KHNYN: variants seen among roughly 807,000 people sequenced by gnomAD.
KHNYN encodes the protein protein KHNYN.
Under a neutral mutation model 62.7 loss-of-function variants are expected in KHNYN, and 42 were observed. The observed-to-expected ratio is 0.67, with a 90% CI of 0.52 to 0.87. The LOEUF is 0.87. Among genes scored for constraint, KHNYN ranks in the 40% least tolerant of loss-of-function variants. KHNYN has a pLI of 0.00. For missense variants in KHNYN, 829 were observed against 874.1 expected (o/e 0.95, Z 0.65); for synonymous variants, 347 against 345.6 (o/e 1.00, Z -0.04).
intron 5 of KHNYN, 113 bp from the exon 6 acceptor site, chr14:24,435,959 A>G: frequency 1.3e-6 from 1 of 786,000 alleles, no homozygotes. Flanking sequence ...ACATAGATAT[A>G]TTGCATAGTG....
In KHNYN at chr14:24,429,985, C is replaced by T. The variant is rs902158712; in HGVS notation, c.-152C>T. On this transcript the variant is annotated 5_prime_UTR_variant, in exon 1 of 8. Transcript: ENST00000553935. ...CGTGCGATGTGGACAAGAGAGGTCCCCGCTGGGTGAGGAACCCGGGAAGGC... is the reference window on the plus strand; with the variant it reads ...CGTGCGATGTGGACAAGAGAGGTCCTCGCTGGGTGAGGAACCCGGGAAGGC... The T allele has an allele frequency of 3.0e-6, 3 of 987,224 alleles. No individual in the cohort carries two copies. Among genetic ancestry groups the T allele is most frequent in the African/African-American group, 1.7e-5 (1 of 57,252 alleles). The allele number at this position is 987,224 out of a possible 1,614,324, so 61.2% of individuals were successfully genotyped here. A position where few individuals can be genotyped will look rare whatever the true frequency, so the allele number is the denominator to read the frequency against.
chr14:24,430,453 G>C, intron 1 of KHNYN: 2 of 1,283,990 alleles, frequency 1.6e-6, no homozygotes, highest in South Asian at 1.9e-5. Flanking sequence ...CACCCTTCTT[G>C]CTCCGGACTG....
At chr14:24,433,237 G>A (rs924936729) in intron 5 of KHNYN, among the ~76,000 whole-genome samples, 20 of 152,194 alleles carry the variant, frequency 1.3e-4, no homozygotes, top group African/African-American at 4.6e-4. Flanking sequence ...AACCATGTTT[G>A]TCTATTCATC....
chr14:24,432,166 T>A lies in KHNYN; in HGVS notation c.905T>A (p.Leu302Gln). The change falls in exon 3 of 8, where the codon CTG becomes CAG. Residue 302 changes from leucine (L) to glutamine (Q), a missense_variant. This residue lies in a region of KHNYN where 559 missense variants were observed against 527.0 expected (regional missense o/e 1.06). Coordinates refer to ENST00000553935, the MANE Select transcript of KHNYN (RefSeq NM_015299.3). The surrounding 1 kb of genome is among the most constrained non-coding windows in gnomAD (Gnocchi z 5.6). ...GGAGGGGCAAGGGAGTCAGCACCCC[T>A]GAAAGGGAAGGCCCTGGGGAAGGAG... is the stretch of plus-strand genomic sequence containing the variant. ...VGGGARESAP[L>Q]KGKALGKEEI... is the part of the protein sequence containing the mutation. The A allele has an allele frequency of 6.4e-7, 1 of 1,562,954 alleles. No homozygotes were observed. The highest frequency in any genetic ancestry group is 8.7e-7 in the Non-Finnish European group (1 of 1,152,710).
At chr14:24,429,200 C>A, upstream of KHNYN, 1 of 807,300 alleles carries the variant, frequency 1.2e-6, no homozygotes, top group East Asian at 2.7e-5. Context: ...TGTGTCCCAG[C>A]TCTGTCCTGC....
chr14:24,440,418 TG>T lies in KHNYN; in HGVS notation c.*3137del, dbSNP rs781376693. On this transcript the variant is annotated 3_prime_UTR_variant, in exon 8 of 8. Transcript: ENST00000553935. ...GGGAAGAATTGGTGGCCTGAGCCGA[TG>T]GGGCCCCCCAGGCCCAGGCGAAAGG... 6.2e-7 allele frequency: 1 copy of T among 1,613,404 alleles called. No homozygotes were observed. The highest frequency in any genetic ancestry group is 8.5e-7 in the Non-Finnish European group (1 of 1,179,626).
In KHNYN at chr14:24,432,852, G is replaced by A; in HGVS notation, c.1480G>A (p.Glu494Lys). Residue 494 changes from glutamate to lysine, a missense_variant and splice_region_variant, in exon 4 of 8, where the codon GAG (glutamate) becomes AAG (lysine). By Grantham distance (56) the Glu-to-Lys change is moderately conservative. This residue lies in a region of KHNYN where 270 missense variants were observed against 347.1 expected (regional missense o/e 0.78). Coordinates refer to ENST00000553935, the MANE Select transcript of KHNYN (RefSeq NM_015299.3). The surrounding 1 kb of genome is among the most constrained non-coding windows in gnomAD (Gnocchi z 5.6). ...CTTCAGTAAGGATGCCAAAGTCAGA[G>A]GTGAGTTGGGCCTGGTCTTCAGTGT... Reference protein sequence around the residue: ...WRFSKDAKVRESHFLQKLYSL... With the variant: ...WRFSKDAKVRKSHFLQKLYSL... 6.2e-7 allele frequency: 1 copy of A among 1,614,236 alleles called. No individual in the cohort carries two copies. The highest frequency in any genetic ancestry group is 8.5e-7 in the Non-Finnish European group (1 of 1,180,036).
chr14:24,425,020 C>T (rs1037418504), upstream of KHNYN, among the ~76,000 whole-genome samples: 1 of 152,148 alleles, frequency 6.6e-6, no homozygotes, highest in African/African-American at 2.4e-5. Context: ...GACAACATGG[C>T]GAAACCCCAT....
rs762470565 is a variant in KHNYN at position 24,432,072 on chromosome 14, G to C, written c.811G>C (p.Gly271Arg). ...GGGTGGTCCCAGGGAGATGGATTGG[G>C]GGTGGAAGGAGTTGCCTGGGGAAGA... ...KQGGPREMDW[G>R]WKELPGEEAW... Residue 271 changes from glycine (G) to arginine (R), a missense_variant, in exon 3 of 8, where the codon GGG becomes CGG. Coordinates refer to ENST00000553935, the MANE Select transcript of KHNYN (RefSeq NM_015299.3). The surrounding 1 kb of genome is among the most constrained non-coding windows in gnomAD (Gnocchi z 5.6). 5.7e-6 allele frequency: 9 copies of C among 1,568,408 alleles called. No homozygotes were observed. Among genetic ancestry groups the C allele is most frequent in the Middle Eastern group, 1.7e-4 (1 of 5,852 alleles).
intron 2 of KHNYN, among the ~76,000 whole-genome samples, chr14:24,431,226 C>G (rs2043105905): frequency 6.6e-6 from 1 of 152,204 alleles, no homozygotes; most frequent in South Asian, 2.1e-4. Flanking sequence ...CCAAGGAATG[C>G]ACTGTGGGGT....
intron 5 of KHNYN, among the ~76,000 whole-genome samples, chr14:24,435,086 T>C (rs2043184977): frequency 6.6e-6 from 1 of 152,058 alleles, no homozygotes; most frequent in African/African-American, 2.4e-5. Context: ...AGTCCTACCC[T>C]GTCTTGTGGA....
upstream of KHNYN, chr14:24,427,674 G>C (rs1352104087): frequency 3.0e-5 from 28 of 938,620 alleles, no homozygotes; most frequent in Non-Finnish European, 4.1e-5. This position sits in a 1 kb window ranked among gnomAD's most constrained non-coding sequence, Gnocchi z 4.4. Flanking sequence ...CCCATGCAAA[G>C]AGGTGGGATA....
chr14:24,434,077 A>G (rs1404174232), intron 5 of KHNYN: 2 of 916,190 alleles, frequency 2.2e-6, no homozygotes, highest in East Asian at 1.2e-4. Flanking sequence ...ACGTTCTCCC[A>G]ATGTTATTCT....
Position 24,431,542 on chromosome 14 carries a change from G to T in KHNYN, c.281G>T (p.Gly94Val). 6.2e-7 allele frequency: 1 copy of T among 1,611,410 alleles called. No homozygotes were observed. Among genetic ancestry groups the T allele is most frequent in the Non-Finnish European group, 8.5e-7 (1 of 1,177,962 alleles). Reference sequence around the variant, plus strand: ...CCCAAACTGCACTGCATCTTTCTGGGAGCCCAGGGCTTCTTCCTTGACTGC... The same window carrying T: ...CCCAAACTGCACTGCATCTTTCTGGTAGCCCAGGGCTTCTTCCTTGACTGC... ...YPPKLHCIFL[G>V]AQGFFLDCLA... is the part of the protein sequence containing the mutation. Residue 94 changes from glycine (G) to valine (V), a missense_variant, in exon 3 of 8, where the codon GGA (glycine) becomes GTA (valine). Physicochemically the swap from Gly to Val is moderately radical, Grantham distance 109. Transcript: ENST00000553935.
At chr14:24,436,578 A>G in intron 7 of KHNYN, 89 bp downstream of exon 7, 2 of 916,242 alleles carry the variant, frequency 2.2e-6, no homozygotes, top group Non-Finnish European at 3.3e-6. Context: ...GTGTGACCTC[A>G]GTTTGGGCCA....
Position 24,431,791 on chromosome 14 carries a change from A to G in KHNYN, c.530A>G (p.Glu177Gly), listed in dbSNP as rs1228613202. The G allele has an allele frequency of 6.2e-7, 1 of 1,613,918 alleles. No homozygotes were observed. The highest frequency in any genetic ancestry group is 2.2e-5 in the East Asian group (1 of 44,886). ...CAGTCCCCGGGGGATGCCCATAGAG[A>G]GGCTCTGTTGCAGTTGCCCCTGGCT... is the stretch of plus-strand genomic sequence containing the variant. ...LLQSPGDAHREALLQLPLAVQ... is the reference protein window; with the variant it reads ...LLQSPGDAHRGALLQLPLAVQ... Residue 177 changes from glutamate (E) to glycine (G), a missense_variant, in exon 3 of 8, where the codon GAG (glutamate) becomes GGG (glycine). Coordinates refer to ENST00000553935, the MANE Select transcript of KHNYN (RefSeq NM_015299.3).
chr14:24,428,507 G>A (rs2043048155), upstream of KHNYN: 15 of 1,402,946 alleles, frequency 1.1e-5, no homozygotes, highest in Non-Finnish European at 1.5e-5. Flanking sequence ...AATAGAAGGA[G>A]TGGCAAGTAG....
upstream of KHNYN, chr14:24,427,878 C>T (rs1432854124): frequency 1.9e-6 from 3 of 1,613,964 alleles, no homozygotes; most frequent in African/African-American, 4.0e-5. This position sits in a 1 kb window ranked among gnomAD's most constrained non-coding sequence, Gnocchi z 4.4. Context: ...GACACTCGGT[C>T]CCCAGGGTCC....
In KHNYN at chr14:24,441,012, C is replaced by T; in HGVS notation, c.*3727C>T. 2 of 1,414,512 alleles carry T rather than the reference C, an allele frequency of 1.4e-6. No individual in the cohort carries two copies. Among genetic ancestry groups the T allele is most frequent in the Non-Finnish European group, 2.0e-6 (2 of 1,007,456 alleles). The allele number at this position is 1,414,512 out of a possible 1,614,324, so 87.6% of individuals were successfully genotyped here. ...TGGAGGCTCCCCTTGGCCTCACCTT[C>T]TCTGGCCCTTAGGATCTCCCCATTT... On this transcript the variant is annotated 3_prime_UTR_variant, in exon 8 of 8. Transcript: ENST00000553935.
Sources: gnomAD v4.1 joint callset for allele counts (sites outside exome capture counted in the v4.1 genomes callset) on GRCh38, gnomAD v4.1.1 for gene constraint, gnomAD v4.1.1 regional missense constraint, Gnocchi (gnomAD v3.1) non-coding constraint, MANE v1.5 for transcripts, NCBI Gene and HGNC (gene_info 2026-07-23, HGNC 2026-07-21) for gene names.